TFEC: variants seen among roughly 807,000 people sequenced by gnomAD.
TFEC encodes the protein class E basic helix-loop-helix protein 34.
In TFEC, 31 loss-of-function variants were observed where a neutral mutation model predicts 41.6. The observed-to-expected ratio is 0.74, with a 90% CI of 0.56 to 1.01. TFEC has a LOEUF of 1.01. Ranked by LOEUF, TFEC falls within the 50% of genes least tolerant of loss-of-function variation. The probability of loss-of-function intolerance (pLI) is 0.00; values close to 1 mark genes in which losing one functional copy is unlikely to be tolerated. For missense variants in TFEC, 402 were observed against 404.1 expected, an observed-to-expected ratio of 0.99 and a Z score of 0.04; for synonymous variants, 143 against 140.6, an observed-to-expected ratio of 1.02 and a Z score of -0.12.
At chr7:116,007,227 T>C (rs73218443) in intron 1 of TFEC, among the ~76,000 whole-genome samples, 486 of 152,142 alleles carry the variant, frequency 3.2e-3, no homozygotes, top group Non-Finnish European at 4.8e-3. Context: ...ACCTAGGCCA[T>C]AGAAAAAAGT....
chr7:116,060,056 T>TA (rs1796516895), intron 3 of TFEC, among the ~76,000 whole-genome samples: 1 of 151,976 alleles, frequency 6.6e-6, no homozygotes, highest in Non-Finnish European at 1.5e-5. Flanking sequence ...AGTGTCTATG[T>TA]AAAAAAACCC....
chr7:115,946,596 TC>T (rs1791574951), intron 6 of TFEC, among the ~76,000 whole-genome samples: 1 of 137,408 alleles, frequency 7.3e-6, no homozygotes, highest in African/African-American at 2.7e-5. Flanking sequence ...TTTCCTTCTT[TC>T]TTTCTTTCTT....
chr7:116,085,760 T>C (rs931443824), intron 3 of TFEC, among the ~76,000 whole-genome samples: 2 of 151,966 alleles, frequency 1.3e-5, no homozygotes, highest in African/African-American at 4.8e-5. Context: ...TTACATAGAT[T>C]TCACCTTTAG....
At chr7:116,001,464 C>T (rs1032714660) in intron 1 of TFEC, among the ~76,000 whole-genome samples, 1 of 150,972 alleles carries the variant, frequency 6.6e-6, no homozygotes, top group African/African-American at 2.4e-5. Context: ...CACTGCACTC[C>T]AGCCTGGGCG....
intron 3 of TFEC, among the ~76,000 whole-genome samples, chr7:116,071,184 C>A (rs747569756): frequency 8.0e-5 from 12 of 150,644 alleles, no homozygotes; most frequent in Non-Finnish European, 1.2e-4. Context: ...AAAATAGACA[C>A]CTAAATGAAA....
chr7:116,098,374 G>T (rs1797520107), intron 3 of TFEC, among the ~76,000 whole-genome samples: 1 of 152,010 alleles, frequency 6.6e-6, no homozygotes, highest in African/African-American at 2.4e-5. Context: ...GCCTAGACTG[G>T]TCTCGGCGTG....
chr7:116,028,765 T>A (rs1486178653), intron 1 of TFEC, among the ~76,000 whole-genome samples: 10 of 152,230 alleles, frequency 6.6e-5, no homozygotes, highest in Non-Finnish European at 1.5e-4. Flanking sequence ...TTTCCACTAT[T>A]ATGGAAAATA....
At chr7:116,149,623 A>T (rs1231940037) in intron 1 of TFEC, among the ~76,000 whole-genome samples, 1 of 152,196 alleles carries the variant, frequency 6.6e-6, no homozygotes, top group Non-Finnish European at 1.5e-5. Context: ...TGCAGTAAGT[A>T]CACAGTGGAG....
At chr7:115,992,758 C>T (rs1184204850) in intron 1 of TFEC, among the ~76,000 whole-genome samples, 3 of 152,076 alleles carry the variant, frequency 2.0e-5, no homozygotes, top group South Asian at 2.1e-4. Context: ...GATTCACAGC[C>T]GAATTCTACC....
intron 3 of TFEC, among the ~76,000 whole-genome samples, chr7:116,105,374 C>T (rs557822001): frequency 2.0e-5 from 3 of 152,324 alleles, no homozygotes; most frequent in African/African-American, 4.8e-5. Flanking sequence ...CAGTTAATAG[C>T]CTTTCTCTGA....
chr7:115,991,282 T>C (rs367650087), intron 1 of TFEC, among the ~76,000 whole-genome samples: 2 of 152,182 alleles, frequency 1.3e-5, no homozygotes, highest in East Asian at 3.8e-4. Context: ...TGCCAAATTG[T>C]AAAGACCATC....
chr7:115,987,492 T>C (rs774711173), intron 1 of TFEC, among the ~76,000 whole-genome samples: 57 of 152,348 alleles, frequency 3.7e-4, no homozygotes, highest in Non-Finnish European at 6.8e-4. Flanking sequence ...CCATTGTTCA[T>C]TTGTTCACTT....
intron 1 of TFEC, among the ~76,000 whole-genome samples, chr7:116,019,954 T>A (rs1215797430): frequency 6.6e-6 from 1 of 152,160 alleles, no homozygotes; most frequent in Non-Finnish European, 1.5e-5. Context: ...TCTTCAATTT[T>A]AAAAATATAT....
At position 115,940,645 on chromosome 7, in the gene TFEC, C is replaced by A; in HGVS notation, c.950G>T (p.Gly317Val). Residue 317 changes from glycine (G) to valine (V), a missense_variant, in exon 8 of 8, where the codon GGA becomes GTA. Transcript: ENST00000265440. ...AGTGGCAGATAGCAGAGGATCTGTT[C>A]CAAATGGAGAGATTGTGTCATCCAA... ...MLLDDTISPFGTDPLLSATSP... is the reference protein window; with the variant it reads ...MLLDDTISPFVTDPLLSATSP... 1 of 1,613,540 alleles carries A rather than the reference C, an allele frequency of 6.2e-7. No homozygotes were observed. The highest frequency in any genetic ancestry group is 8.5e-7 in the Non-Finnish European group (1 of 1,179,656).
intron 1 of TFEC, among the ~76,000 whole-genome samples, chr7:116,135,404 A>G (rs1054181744): frequency 1.3e-5 from 2 of 152,086 alleles, no homozygotes; most frequent in African/African-American, 4.8e-5. Context: ...TCTCTACCAC[A>G]TTTGGAACAG....
intron 3 of TFEC, among the ~76,000 whole-genome samples, chr7:116,053,221 A>T (rs973704945): frequency 3.3e-5 from 5 of 152,186 alleles, no homozygotes; most frequent in African/African-American, 1.2e-4. Context: ...GATGGAATGA[A>T]TCTTGGACAT....
intron 1 of TFEC, among the ~76,000 whole-genome samples, chr7:116,023,489 T>C (rs534029754): frequency 6.6e-5 from 10 of 152,286 alleles, no homozygotes; most frequent in African/African-American, 2.4e-4. Flanking sequence ...TTGATAGAGA[T>C]AGAACTCTTT....
At chr7:116,052,120 T>C (rs1056223430) in intron 3 of TFEC, among the ~76,000 whole-genome samples, 3 of 149,778 alleles carry the variant, frequency 2.0e-5, no homozygotes, top group Non-Finnish European at 4.4e-5. Flanking sequence ...AATGAGGGGA[T>C]TGGTCAAGGT....
chr7:116,037,575 A>C (rs558481745), intron 3 of TFEC, among the ~76,000 whole-genome samples: 15 of 152,150 alleles, frequency 9.9e-5, no homozygotes, highest in African/African-American at 3.6e-4. Flanking sequence ...ATGCGGAAGA[A>C]ATTAGGAAGT....
Sources: allele counts gnomAD v4.1 joint callset (sites outside exome capture counted in the v4.1 genomes callset), GRCh38; gene constraint gnomAD v4.1.1; transcripts MANE v1.5; gene names NCBI Gene and HGNC (gene_info 2026-07-23, HGNC 2026-07-21).